The following NCAM2 variants were observed in gnomAD, a reference collection of about 807,000 sequenced individuals.
The protein encoded by NCAM2 is N-CAM-2.
Under a neutral mutation model 98.1 loss-of-function variants are expected in NCAM2, and 30 were observed. The ratio of observed to expected loss-of-function variants is 0.31; its 90% CI spans 0.23 to 0.41. The LOEUF (loss-of-function observed/expected upper bound fraction) is 0.41. Ranked by LOEUF, NCAM2 falls within the 10% of genes least tolerant of loss-of-function variation. The probability of loss-of-function intolerance (pLI) is 1.00; values close to 1 mark genes in which losing one functional copy is unlikely to be tolerated. For synonymous variants in NCAM2, 368 were observed against 342.4 expected (o/e 1.07, Z -0.83); for missense variants, 867 against 1,005.8 (o/e 0.86, Z 1.87).
intron 1 of NCAM2, among the ~76,000 whole-genome samples, chr21:21,259,262 C>T (rs1601790803): frequency 6.6e-6 from 1 of 152,152 alleles, no homozygotes. Context: ...AGAGAAGAGT[C>T]TCTGTGCTGA....
At chr21:21,022,455 A>G (rs780942853) in intron 1 of NCAM2, among the ~76,000 whole-genome samples, 26 of 152,054 alleles carry the variant, frequency 1.7e-4, no homozygotes, top group Non-Finnish European at 3.1e-4. Context: ...GCATGGCTTT[A>G]AATGTTCTAT....
intron 5 of NCAM2, among the ~76,000 whole-genome samples, chr21:21,316,525 C>A (rs942330169): frequency 4.7e-5 from 6 of 126,402 alleles, no homozygotes; most frequent in South Asian, 2.6e-4. Flanking sequence ...CCAATTTTAT[C>A]TTTTATTCTT....
intron 1 of NCAM2, among the ~76,000 whole-genome samples, chr21:21,125,668 CTATA>C (rs1219720515): frequency 8.1e-6 from 1 of 123,538 alleles, no homozygotes; most frequent in Non-Finnish European, 1.7e-5. Flanking sequence ...ATATATATAT[CTATA>C]TATAGAGATA....
rs183965462 is a variant in NCAM2 at position 21,412,734 on chromosome 21, A to C, written c.1383+2273A>C. Among the ~76,000 whole-genome samples, 921 of 152,306 alleles carry C rather than the reference A, an allele frequency of 6.0e-3. 10 individuals are homozygous for C. The highest frequency in any genetic ancestry group is 0.021 in the African/African-American group (883 of 41,560). ...ACATGTTTATGTGTATACTCTCACA[A>C]ATTAAATTTAAATTCTGAATGAAAA... On this transcript the variant is annotated intron_variant, in intron 10 of 17. Transcript: ENST00000400546.
At chr21:21,033,481 A>T (rs2085855047) in intron 1 of NCAM2, among the ~76,000 whole-genome samples, 1 of 152,160 alleles carries the variant, frequency 6.6e-6, no homozygotes. Context: ...CAGATGGTGG[A>T]CGCTTAAATA....
chr21:21,001,948 G>C (rs551700174), intron 1 of NCAM2, among the ~76,000 whole-genome samples: 1 of 151,762 alleles, frequency 6.6e-6, no homozygotes, highest in Admixed American at 6.6e-5. Context: ...CTACTAGTTT[G>C]AAGATTACAG....
chr21:21,177,991 T>C (rs2068349848), intron 1 of NCAM2, among the ~76,000 whole-genome samples: 1 of 152,172 alleles, frequency 6.6e-6, no homozygotes, highest in South Asian at 2.1e-4. Flanking sequence ...AAAAACAGTT[T>C]ATATATTTTT....
intron 1 of NCAM2, among the ~76,000 whole-genome samples, chr21:21,199,389 A>T (rs987121593): frequency 6.6e-6 from 1 of 152,116 alleles, no homozygotes. Flanking sequence ...AAATATTCCA[A>T]ATTCGGACTT....
At chr21:21,089,516 A>G (rs938616471) in intron 1 of NCAM2, among the ~76,000 whole-genome samples, 1 of 152,214 alleles carries the variant, frequency 6.6e-6, no homozygotes, top group African/African-American at 2.4e-5. Flanking sequence ...TTGATGTGGC[A>G]AGGCTGAATA....
intron 11 of NCAM2, among the ~76,000 whole-genome samples, chr21:21,429,806 A>G (rs2077290802): frequency 6.6e-6 from 1 of 152,200 alleles, no homozygotes; most frequent in South Asian, 2.1e-4. Flanking sequence ...AACATCATGT[A>G]CTTCATAGGC....
rs1410994636 is a variant in NCAM2, at chr21:21,539,618, C to T, written c.*1661C>T. On this transcript the variant is annotated 3_prime_UTR_variant, in exon 18 of 18. Transcript: ENST00000400546. ...TAATTCATCACTTTTCTGGCTACAG[C>T]AGGACAGAATATGACCATCTTCGTT... 6.6e-6 allele frequency: 1 copy of T among 152,176 alleles called. No homozygotes were observed. The allele number at this position is 152,176 out of a possible 1,614,324, so 9.4% of individuals were successfully genotyped here.
intron 1 of NCAM2, among the ~76,000 whole-genome samples, chr21:21,151,221 T>C (rs761126739): frequency 6.6e-6 from 1 of 152,036 alleles, no homozygotes; most frequent in Non-Finnish European, 1.5e-5. Context: ...TATTACACTT[T>C]AGACTTAATT....
At chr21:21,064,372 G>T (rs955840980) in intron 1 of NCAM2, among the ~76,000 whole-genome samples, 6 of 152,156 alleles carry the variant, frequency 3.9e-5, no homozygotes, top group Non-Finnish European at 7.3e-5. Flanking sequence ...GGAATGTGCT[G>T]GGCAGAAGGC....
chr21:21,120,719 G>GT (rs56905252), intron 1 of NCAM2, among the ~76,000 whole-genome samples: 80,728 of 142,134 alleles, frequency 0.57, 23,416 homozygotes, highest in East Asian at 0.82. Flanking sequence ...TTTTTTGTGG[G>GT]TTTTTTTTTT....
chr21:21,435,045 T>G (rs1448791199), intron 12 of NCAM2, among the ~76,000 whole-genome samples: 1 of 152,110 alleles, frequency 6.6e-6, no homozygotes, highest in African/African-American at 2.4e-5. Flanking sequence ...ATATTCCTTT[T>G]TGGAGACAGA....
Position 21,203,488 on chromosome 21 carries a change from T to G in NCAM2, c.56-77090T>G, listed in dbSNP as rs1373352917. On this transcript the variant is annotated intron_variant, in intron 1 of 17. Transcript: ENST00000400546. ...AGTTCCTTTGGAGTATCATTTCATATGTACAGTAATGATGTCAGGGTGAGT... is the reference window on the plus strand; with the variant it reads ...AGTTCCTTTGGAGTATCATTTCATAGGTACAGTAATGATGTCAGGGTGAGT... 2.0e-5 allele frequency among the ~76,000 whole-genome samples: 3 copies of G among 152,312 alleles called. No homozygotes were observed. The East Asian group carries it at 5.8e-4, about 29-fold the overall frequency.
At chr21:21,506,030 A>G (rs983541700) in intron 15 of NCAM2, among the ~76,000 whole-genome samples, 2 of 152,092 alleles carry the variant, frequency 1.3e-5, no homozygotes, top group African/African-American at 2.4e-5. Context: ...GTTTTTAAGA[A>G]CAAAGCAAGA....
intron 1 of NCAM2, among the ~76,000 whole-genome samples, chr21:21,199,828 A>G (rs189161679): frequency 6.6e-6 from 1 of 152,120 alleles, no homozygotes; most frequent in East Asian, 1.9e-4. Context: ...AATGTGAGCT[A>G]TTTATGTCAC....
intron 1 of NCAM2, among the ~76,000 whole-genome samples, chr21:21,206,816 C>T (rs1447287624): frequency 6.6e-6 from 1 of 152,002 alleles, no homozygotes; most frequent in African/African-American, 2.4e-5. Context: ...ATGTATTCAA[C>T]AGGAACCCAA....
Sources: allele counts gnomAD v4.1 joint callset (sites outside exome capture counted in the v4.1 genomes callset), GRCh38; gene constraint gnomAD v4.1.1; transcripts MANE v1.5; gene names NCBI Gene and HGNC (gene_info 2026-07-23, HGNC 2026-07-21).